TRIM22: variants seen among roughly 807,000 people sequenced by gnomAD.
The protein encoded by TRIM22 is tripartite motif containing 22, also known as E3 ubiquitin-protein ligase TRIM22.
In TRIM22, 45 loss-of-function variants were observed where a neutral mutation model predicts 53.6. The ratio of observed to expected loss-of-function variants is 0.84; its 90% CI spans 0.66 to 1.08. The LOEUF (loss-of-function observed/expected upper bound fraction) is 1.08. Among genes scored for constraint, TRIM22 ranks in the 50% least tolerant of loss-of-function variants. The pLI, the probability that TRIM22 is intolerant of heterozygous loss-of-function variation, is 0.00. For synonymous variants in TRIM22, 225 were observed against 216.6 expected, an observed-to-expected ratio of 1.04 and a Z score of -0.34; for missense variants, 616 against 590.9, an observed-to-expected ratio of 1.04 and a Z score of -0.44.
At chr11:5,700,018 G>GT (rs150084384) in intron 4 of TRIM22, among the ~76,000 whole-genome samples, 7,074 of 145,336 alleles carry the variant, frequency 0.049, 198 homozygotes, top group Middle Eastern at 0.11. Context: ...TCATAGAAGA[G>GT]TTTTTTTTTT....
intron 1 of TRIM22, among the ~76,000 whole-genome samples, chr11:5,693,653 C>A (rs1391763815): frequency 7.7e-6 from 1 of 130,122 alleles, no homozygotes. Flanking sequence ...ACCCGAGAGG[C>A]GGAGCTGGCA....
chr11:5,693,443 G>A (rs1853206954), intron 1 of TRIM22, among the ~76,000 whole-genome samples: 3 of 151,792 alleles, frequency 2.0e-5, no homozygotes, highest in South Asian at 2.1e-4. Context: ...TGAATAGGCC[G>A]GGCGCGGTGG....
chr11:5,693,837 T>C (rs1191004318), intron 1 of TRIM22, among the ~76,000 whole-genome samples: 2 of 151,252 alleles, frequency 1.3e-5, no homozygotes, highest in Admixed American at 6.6e-5. Context: ...ATAGCAGAAA[T>C]ATATTGCCTT....
chr11:5,709,017 C>T (rs1487979848), intron 7 of TRIM22, 36 bp from the exon 8 acceptor site: 28 of 1,498,436 alleles, frequency 1.9e-5, no homozygotes, highest in Admixed American at 5.1e-5. Context: ...ACACCTATCC[C>T]ATATCCTTCA....
chr11:5,696,195 C>T lies in TRIM22; in HGVS notation c.-38C>T. 7 of 1,556,074 alleles carry T rather than the reference C, an allele frequency of 4.5e-6. No homozygotes were observed. Among genetic ancestry groups the T allele is most frequent in the Non-Finnish European group, 6.1e-6 (7 of 1,152,802 alleles). ...TGCAGGAGTTTGTGACCAAGAACTT[C>T]AAGAGTCAAGACAGAAGGAAGCCAA... On this transcript the variant is annotated 5_prime_UTR_variant, in exon 2 of 8. Coordinates refer to ENST00000379965, the MANE Select transcript of TRIM22 (RefSeq NM_006074.5).
rs2291843 is a variant in TRIM22, at chr11:5,698,489, A to G, written c.694A>G (p.Thr232Ala). ...QLVQQRQDASTLISDLQRRLR... is the reference protein window; with the variant it reads ...QLVQQRQDASALISDLQRRLR... ...GGTCCAGCAGAGGCAGGATGCCAGC[A>G]CGCTCATCTCAGATCTCCAGCGGAG... The change falls in exon 4 of 8, where the codon ACG becomes GCG. Residue 232 changes from threonine to alanine, a missense_variant. Transcript: ENST00000379965. 1.9e-3 allele frequency: 3,018 copies of G among 1,614,048 alleles called. 87 individuals are homozygous for G. In the East Asian group the frequency reaches 0.063, roughly 34 times the overall value.
intron 4 of TRIM22, among the ~76,000 whole-genome samples, chr11:5,702,344 ATAAC>A (rs1470925697): frequency 6.8e-6 from 1 of 146,596 alleles, no homozygotes; most frequent in East Asian, 1.9e-4. Flanking sequence ...TAATAATAAT[ATAAC>A]TAATATGCCT....
intron 5 of TRIM22, among the ~76,000 whole-genome samples, chr11:5,706,817 G>A (rs975291860): frequency 6.6e-6 from 1 of 152,150 alleles, no homozygotes; most frequent in Non-Finnish European, 1.5e-5. Flanking sequence ...AGTTAGGGTC[G>A]ACGGAGGCCT....
In TRIM22 at chr11:5,708,260, G is replaced by A; in HGVS notation, c.861G>A (p.Leu287=). The A allele has an allele frequency of 6.2e-7, 1 of 1,613,878 alleles. No homozygotes were observed. Residue 287 remains leucine, a synonymous_variant, in exon 6 of 8, where the codon CTG becomes CTA. Coordinates refer to ENST00000379965, the MANE Select transcript of TRIM22 (RefSeq NM_006074.5). ...VFRVPDLSGM[L]QVLKELTDVQ... is the part of the protein sequence containing the mutation. ...GAGTACCAGATCTGAGTGGGATGCT[G>A]CAAGTTCTTAAAGGTAAGGGGATTC... is the stretch of plus-strand genomic sequence containing the variant.
intron 4 of TRIM22, among the ~76,000 whole-genome samples, chr11:5,699,486 T>C (rs187757359): frequency 0.021 from 2,242 of 106,946 alleles, 253 homozygotes; most frequent in African/African-American, 0.093. Flanking sequence ...ATTGCGCCAC[T>C]GCAGTCCGCA....
chr11:5,705,291 G>A (rs374967194), intron 4 of TRIM22, among the ~76,000 whole-genome samples: 126 of 152,226 alleles, frequency 8.3e-4, no homozygotes, highest in African/African-American at 3.0e-3. Context: ...TATCATATCA[G>A]GGATAATAAT....
chr11:5,704,286 C>T, intron 4 of TRIM22, among the ~76,000 whole-genome samples: 1 of 151,642 alleles, frequency 6.6e-6, no homozygotes, highest in Non-Finnish European at 1.5e-5. Flanking sequence ...GATAAAACTT[C>T]CAATACAATG....
At chr11:5,698,214 A>G in intron 3 of TRIM22, 101 bp from the exon 4 acceptor site, 1 of 939,676 alleles carries the variant, frequency 1.1e-6, no homozygotes, top group African/African-American at 1.6e-5. Flanking sequence ...TCCTTTTGAG[A>G]ACTCCCTGAG....
At chr11:5,697,569 T>G (rs1265845724) in intron 3 of TRIM22, 3 of 436,138 alleles carry the variant, frequency 6.9e-6, no homozygotes, top group Admixed American at 3.9e-5. Context: ...GAGGGAAATA[T>G]CTGTGAAAAC....
rs749871880 is a variant in TRIM22 at position 5,709,319 on chromosome 11, C to A, written c.1168C>A (p.Pro390Thr). ...KRKSSGFAFD[P>T]SVNYSKVYSR... is the part of the protein sequence containing the mutation. ...GAAGAGCTCTGGGTTTGCTTTTGAT[C>A]CAAGTGTAAATTATTCAAAAGTTTA... The change falls in exon 8 of 8, where the codon CCA becomes ACA. Residue 390 changes from proline (P) to threonine (T), a missense_variant. Physicochemically the swap from Pro to Thr is conservative, Grantham distance 38. Coordinates refer to ENST00000379965, the MANE Select transcript of TRIM22 (RefSeq NM_006074.5). The A allele has an allele frequency of 6.2e-7, 1 of 1,613,864 alleles. No homozygotes were observed. The highest frequency in any genetic ancestry group is 2.2e-5 in the East Asian group (1 of 44,892).
intron 4 of TRIM22, 78 bp downstream of exon 4, chr11:5,698,623 T>A: frequency 8.6e-7 from 1 of 1,166,114 alleles, no homozygotes; most frequent in Non-Finnish European, 1.2e-6. Context: ...CTTCCCAGTC[T>A]CTAGGCTTTC....
intron 1 of TRIM22, among the ~76,000 whole-genome samples, chr11:5,694,652 T>A (rs964261396): frequency 6.6e-6 from 1 of 152,262 alleles, no homozygotes. Context: ...CACTTGATTC[T>A]ATTGACACAC....
chr11:5,692,392 C>G (rs961332521), intron 1 of TRIM22, among the ~76,000 whole-genome samples: 1 of 152,196 alleles, frequency 6.6e-6, no homozygotes, highest in African/African-American at 2.4e-5. Flanking sequence ...ACTGGGGTAG[C>G]TTTATGAAAT....
At chr11:5,700,582 G>GTTTTTTTTTTT (rs750813409) in intron 4 of TRIM22, among the ~76,000 whole-genome samples, 1 of 29,374 alleles carries the variant, frequency 3.4e-5, no homozygotes, top group African/African-American at 2.0e-4. Flanking sequence ...AGCTATAGGA[G>GTTTTTTTTTTT]TCTTTTTTTT....
Sources: gnomAD v4.1 joint callset for allele counts (sites outside exome capture counted in the v4.1 genomes callset) on GRCh38, gnomAD v4.1.1 for gene constraint, MANE v1.5 for transcripts, NCBI Gene and HGNC (gene_info 2026-07-23, HGNC 2026-07-21) for gene names.